DOCK1: variants seen among roughly 807,000 people sequenced by gnomAD.
DOCK1 encodes dedicator of cytokinesis protein 1.
In DOCK1, 138 loss-of-function variants were observed where a neutral mutation model predicts 262.7. The observed-to-expected ratio is 0.53, with a 90% CI of 0.46 to 0.61. The LOEUF is 0.61. Ranked by LOEUF, DOCK1 falls within the 20% of genes least tolerant of loss-of-function variation. DOCK1 has a pLI of 0.00. For missense variants in DOCK1, 1,908 were observed against 2,370.7 expected (o/e 0.80, Z 4.05); for synonymous variants, 866 against 867.4 (o/e 1.00, Z 0.03).
At chr10:127,013,020 GC>G (rs1213009236) in intron 12 of DOCK1, among the ~76,000 whole-genome samples, 1 of 152,214 alleles carries the variant, frequency 6.6e-6, no homozygotes, top group Non-Finnish European at 1.5e-5. Context: ...GCCCGTAAAC[GC>G]GGTAGAGCTT....
intron 24 of DOCK1, among the ~76,000 whole-genome samples, chr10:127,109,801 A>G (rs572111760): frequency 2.0e-5 from 3 of 152,080 alleles, no homozygotes; most frequent in Non-Finnish European, 4.4e-5. Context: ...TTTTCAGTAT[A>G]ATGAACAATG....
rs1589893328 is a variant in DOCK1, at chr10:127,196,482, T to G, written c.2848-51526T>G. Among the ~76,000 whole-genome samples, 4 of 148,200 alleles carry G rather than the reference T, an allele frequency of 2.7e-5. No individual in the cohort carries two copies. The South Asian group carries it at 8.3e-4, about 31-fold the overall frequency. On this transcript the variant is annotated intron_variant, in intron 27 of 51. Coordinates refer to ENST00000623213, the MANE Select transcript of DOCK1 (RefSeq NM_001290223.2). ...GGAGCAGGAGGGAAGTCCTTTCCGCTGCTCCAGGTCCCAGCTACTCCGCGG... is the reference window on the plus strand; with the variant it reads ...GGAGCAGGAGGGAAGTCCTTTCCGCGGCTCCAGGTCCCAGCTACTCCGCGG...
rs2051685485 is a variant in DOCK1 at position 127,145,187 on chromosome 10, C to A, written c.2847+17423C>A. ...TCATCTAGGTGCCTGGGTCTGAGGG[C>A]AGGTCAGATGCACAGGGGTCAGAGA... On this transcript the variant is annotated intron_variant, in intron 27 of 51. Coordinates refer to ENST00000623213, the MANE Select transcript of DOCK1 (RefSeq NM_001290223.2). Among the ~76,000 whole-genome samples, 4 of 152,216 alleles carry A rather than the reference C, an allele frequency of 2.6e-5. No homozygotes were observed. In the South Asian group the frequency reaches 6.2e-4, roughly 24 times the overall value.
intron 25 of DOCK1, among the ~76,000 whole-genome samples, chr10:127,113,593 G>A (rs1201054866): frequency 6.6e-6 from 1 of 152,200 alleles, no homozygotes; most frequent in Non-Finnish European, 1.5e-5. Flanking sequence ...AGGCCTTACA[G>A]TGCCTTGGTT....
chr10:127,353,260 G>A (rs2063974836), intron 31 of DOCK1, among the ~76,000 whole-genome samples: 1 of 152,178 alleles, frequency 6.6e-6, no homozygotes, highest in South Asian at 2.1e-4. Flanking sequence ...AGGTCACCCT[G>A]CAGCCAACTG....
chr10:127,410,701 A>T (rs11017944), intron 42 of DOCK1, 139 bp from the exon 43 acceptor site: 1 of 684,124 alleles, frequency 1.5e-6, no homozygotes, highest in Non-Finnish European at 2.3e-6. Flanking sequence ...GGGAGAGGAC[A>T]CCAAGGCGAT....
chr10:127,388,718 G>A (rs995505026), intron 38 of DOCK1, among the ~76,000 whole-genome samples: 30 of 152,224 alleles, frequency 2.0e-4, no homozygotes, highest in South Asian at 1.9e-3. Flanking sequence ...AGAGTCCCCC[G>A]CCCTGGGGCT....
chr10:127,135,091 C>T (rs2050575907), intron 27 of DOCK1, among the ~76,000 whole-genome samples: 1 of 152,186 alleles, frequency 6.6e-6, no homozygotes, highest in Non-Finnish European at 1.5e-5. Context: ...TGTACTGTGG[C>T]AACACTCAAT....
intron 27 of DOCK1, among the ~76,000 whole-genome samples, chr10:127,194,724 G>T (rs533640963): frequency 6.6e-6 from 1 of 152,276 alleles, no homozygotes; most frequent in African/African-American, 2.4e-5. Context: ...CGTTGAGGGG[G>T]GAGCGTTCAA....
intron 27 of DOCK1, among the ~76,000 whole-genome samples, chr10:127,155,552 A>G (rs879317086): frequency 2.0e-5 from 3 of 151,938 alleles, no homozygotes; most frequent in Non-Finnish European, 4.4e-5. Flanking sequence ...AGAGAGGGGG[A>G]TGAACAGCCT....
intron 27 of DOCK1, among the ~76,000 whole-genome samples, chr10:127,186,628 AG>A (rs1280412217): frequency 6.6e-6 from 1 of 151,362 alleles, no homozygotes; most frequent in Non-Finnish European, 1.5e-5. Context: ...ACCGTATCAG[AG>A]GGGCATAAAC....
chr10:127,202,619 T>C (rs1380272742), intron 27 of DOCK1, among the ~76,000 whole-genome samples: 1 of 152,216 alleles, frequency 6.6e-6, no homozygotes, highest in Non-Finnish European at 1.5e-5. Context: ...CTCCTTGTTG[T>C]ACTTTTTTCC....
intron 1 of DOCK1, among the ~76,000 whole-genome samples, chr10:126,961,248 C>T (rs2037195466): frequency 2.0e-5 from 3 of 152,120 alleles, no homozygotes; most frequent in South Asian, 4.1e-4. Flanking sequence ...AGATATGAAC[C>T]CAAAAGGAGT....
intron 37 of DOCK1, among the ~76,000 whole-genome samples, chr10:127,383,153 G>A (rs1015764527): frequency 5.9e-5 from 9 of 152,286 alleles, no homozygotes; most frequent in East Asian, 3.9e-4. Context: ...TCCTCAAATA[G>A]AATCTTCTTT....
intron 31 of DOCK1, among the ~76,000 whole-genome samples, chr10:127,346,467 G>T (rs1050913587): frequency 6.6e-6 from 1 of 152,114 alleles, no homozygotes; most frequent in South Asian, 2.1e-4. Context: ...GTGGTGGCGC[G>T]CACCTGTGGT....
At chr10:127,262,948 G>T (rs906556144) in intron 29 of DOCK1, among the ~76,000 whole-genome samples, 1 of 152,176 alleles carries the variant, frequency 6.6e-6, no homozygotes, top group African/African-American at 2.4e-5. Context: ...GCTGGGCGGT[G>T]TTAGTGCCAA....
intron 23 of DOCK1, among the ~76,000 whole-genome samples, chr10:127,103,631 T>C (rs1415951960): frequency 2.0e-5 from 3 of 152,098 alleles, no homozygotes; most frequent in South Asian, 4.2e-4. Flanking sequence ...TGCAGGAACG[T>C]TGGGGATGCA....
intron 1 of DOCK1, among the ~76,000 whole-genome samples, chr10:126,922,380 AAG>A (rs1278060036): frequency 7.9e-5 from 12 of 152,136 alleles, no homozygotes; most frequent in Admixed American, 7.2e-4. Flanking sequence ...GAGCAGGAGC[AAG>A]AGAGGGGAGG....
At position 126,996,735 on chromosome 10, in the gene DOCK1, C is replaced by T; in HGVS notation, c.474-13C>T. On this transcript the variant is annotated splice_polypyrimidine_tract_variant and intron_variant, in intron 6 of 51. Transcript: ENST00000623213. ...TCTATGTCTGTGAACTTACTAAATT[C>T]TTGTTGTTCTAGAATTCTAGATTTG... 6.2e-7 allele frequency: 1 copy of T among 1,600,438 alleles called. No homozygotes were observed. Among genetic ancestry groups the T allele is most frequent in the Non-Finnish European group, 8.5e-7 (1 of 1,175,506 alleles).
Sources: allele counts gnomAD v4.1 joint callset (sites outside exome capture counted in the v4.1 genomes callset), GRCh38; gene constraint gnomAD v4.1.1; transcripts MANE v1.5; gene names NCBI Gene and HGNC (gene_info 2026-07-23, HGNC 2026-07-21).